DNAJC16: variants seen among roughly 807,000 people sequenced by gnomAD.
The protein encoded by DNAJC16 is DnaJ heat shock protein family (Hsp40) member C16, also known as dnaJ homolog subfamily C member 16.
DNAJC16 carries 76 observed loss-of-function variants against 92.7 expected under a neutral mutation model. That is an observed-to-expected ratio of 0.82 (90% CI 0.68 to 0.99). The LOEUF is 0.99. Among genes scored for constraint, DNAJC16 ranks in the 50% least tolerant of loss-of-function variants. DNAJC16 has a pLI of 0.00. For missense variants in DNAJC16, 869 were observed against 942.4 expected (o/e 0.92, Z 1.02); for synonymous variants, 328 against 358.7 (o/e 0.91, Z 0.97).
chr1:15,536,442 T>C (rs1186760437), intron 3 of DNAJC16, 33 bp from the exon 4 acceptor site: 8 of 1,516,122 alleles, frequency 5.3e-6, no homozygotes, highest in Non-Finnish European at 7.1e-6. Flanking sequence ...ATGAACCTTT[T>C]GTTGTTGTTT....
intron 12 of DNAJC16, 26 bp downstream of exon 12, chr1:15,566,025 C>T: frequency 1.9e-6 from 3 of 1,613,124 alleles, no homozygotes; most frequent in East Asian, 2.2e-5. Context: ...CTTCTCGGTG[C>T]ACCACCATGG....
chr1:15,557,387 C>CT (rs1420014585), intron 7 of DNAJC16, among the ~76,000 whole-genome samples: 2 of 152,042 alleles, frequency 1.3e-5, no homozygotes, highest in Non-Finnish European at 1.5e-5. Flanking sequence ...TATTTTATGC[C>CT]TTCTCTTTTG....
At chr1:15,552,605 G>T (rs193098937) in intron 7 of DNAJC16, among the ~76,000 whole-genome samples, 2 of 151,936 alleles carry the variant, frequency 1.3e-5, no homozygotes, top group East Asian at 3.9e-4. Context: ...CATTATAAGT[G>T]CAAGGAACAC....
chr1:15,558,267 T>G (rs555523166), intron 7 of DNAJC16, among the ~76,000 whole-genome samples: 8 of 150,564 alleles, frequency 5.3e-5, no homozygotes, highest in African/African-American at 2.0e-4. Flanking sequence ...TGCAGTCTCT[T>G]AAGTCTTGGG....
Position 15,571,008 on chromosome 1 carries a change from A to G in DNAJC16, c.*2831A>G, listed in dbSNP as rs1035869287. ...ACAAGTCTTTGCAGAATACATGCCA[A>G]TTTCCAAAAAAAAAAAAAAATTTGT... On this transcript the variant is annotated 3_prime_UTR_variant, in exon 15 of 15. Coordinates refer to ENST00000375847, the MANE Select transcript of DNAJC16 (RefSeq NM_015291.4). 9 of 137,660 alleles carry G rather than the reference A, an allele frequency of 6.5e-5. No homozygotes were observed. The highest frequency in any genetic ancestry group is 2.2e-4 in the Admixed American group (3 of 13,508). 8.5% of individuals were successfully genotyped at this position (137,660 alleles called of 1,614,324 possible). A position where few individuals can be genotyped will look rare whatever the true frequency, so the allele number is the denominator to read the frequency against.
Position 15,569,821 on chromosome 1 carries a change from A to T in DNAJC16, c.*1644A>T, listed in dbSNP as rs1638910346. On this transcript the variant is annotated 3_prime_UTR_variant, in exon 15 of 15. Transcript: ENST00000375847. The stretch of plus-strand genomic sequence containing the variant: ...ATGTAATTAGCCCGGCTAATTTTGT[A>T]TTTTTAGTAGAGACGGGATTTCTCC... The T allele has an allele frequency of 6.6e-6, 1 of 151,752 alleles. No homozygotes were observed. The highest frequency in any genetic ancestry group is 1.5e-5 in the Non-Finnish European group (1 of 67,946). The allele number at this position is 151,752 out of a possible 1,614,324, so 9.4% of individuals were successfully genotyped here. A position where few individuals can be genotyped will look rare whatever the true frequency, so the allele number is the denominator to read the frequency against.
intron 5 of DNAJC16, among the ~76,000 whole-genome samples, chr1:15,545,834 A>G (rs1638287741): frequency 6.6e-6 from 1 of 152,244 alleles, no homozygotes; most frequent in Non-Finnish European, 1.5e-5. Context: ...ATGGAAAGAT[A>G]AACTTTTTTT....
At chr1:15,533,644 CAAAA>C (rs958383487) in intron 2 of DNAJC16, among the ~76,000 whole-genome samples, 6 of 150,888 alleles carry the variant, frequency 4.0e-5, no homozygotes, top group Admixed American at 2.6e-4. Context: ...AACAAAAAAA[CAAAA>C]AAAACAGTGG....
rs1570893736 is a variant in DNAJC16 at position 15,528,325 on chromosome 1, T to G, written c.-18-763T>G. Among the ~76,000 whole-genome samples, 3 of 151,902 alleles carry G rather than the reference T, an allele frequency of 2.0e-5. No individual in the cohort carries two copies. The East Asian group carries it at 5.8e-4, about 29-fold the overall frequency. On this transcript the variant is annotated intron_variant, in intron 1 of 14. Transcript: ENST00000375847. Reference sequence around the variant, plus strand: ...GGCGCATGCCTGTAATCCCAGCTACTGGGGAGGCTGAGACAGGAGACTTGC... The same window carrying G: ...GGCGCATGCCTGTAATCCCAGCTACGGGGGAGGCTGAGACAGGAGACTTGC...
At chr1:15,527,198 G>C (rs1260024326) in intron 1 of DNAJC16, among the ~76,000 whole-genome samples, 1 of 152,188 alleles carries the variant, frequency 6.6e-6, no homozygotes, top group African/African-American at 2.4e-5. Flanking sequence ...GTCTCTGGGA[G>C]CTTCTTCCTG....
At chr1:15,539,391 A>G (rs565009006) in intron 4 of DNAJC16, among the ~76,000 whole-genome samples, 34 of 151,566 alleles carry the variant, frequency 2.2e-4, no homozygotes, top group African/African-American at 4.6e-4. Flanking sequence ...GACTACAGGC[A>G]CCCATCACCA....
chr1:15,529,013 C>A, intron 1 of DNAJC16, 75 bp from the exon 2 acceptor site: 1 of 1,364,556 alleles, frequency 7.3e-7, no homozygotes, highest in South Asian at 1.4e-5. Context: ...ATCTATATAT[C>A]TTATACCTTT....
rs772567514 is a variant in DNAJC16, at chr1:15,567,757, T to G, written c.1950-21T>G. ...ATGTGTCAGGAAATGCCCTGAGTCC[T>G]CAATTCTCTTCTTCCTACAGGAGCA... On this transcript the variant is annotated intron_variant, in intron 14 of 14. Coordinates refer to ENST00000375847, the MANE Select transcript of DNAJC16 (RefSeq NM_015291.4). 4 of 1,601,082 alleles carry G rather than the reference T, an allele frequency of 2.5e-6. No homozygotes were observed. The Admixed American group carries it at 6.9e-5, about 28-fold the overall frequency.
Position 15,548,280 on chromosome 1 carries a change from T to C in DNAJC16, c.875T>C (p.Phe292Ser). 1 of 1,613,894 alleles carries C rather than the reference T, an allele frequency of 6.2e-7. No homozygotes were observed. The highest frequency in any genetic ancestry group is 8.5e-7 in the Non-Finnish European group (1 of 1,179,906). Residue 292 changes from phenylalanine to serine, a missense_variant, in exon 7 of 15, where the codon TTT (phenylalanine) becomes TCT (serine). Transcript: ENST00000375847. Reference protein sequence around the residue: ...IVPLLYKLTAFAYKDYLSFGY... With the variant: ...IVPLLYKLTASAYKDYLSFGY... Reference sequence around the variant, plus strand: ...ATTATGCCCTAACAGTTGACTGCCTTTGCATACAAAGATTATTTATCATTT... The same window carrying C: ...ATTATGCCCTAACAGTTGACTGCCTCTGCATACAAAGATTATTTATCATTT...
chr1:15,569,700 G>A lies in DNAJC16; in HGVS notation c.*1523G>A, dbSNP rs1362354171. The stretch of plus-strand genomic sequence containing the variant: ...TTGTTGCCCAGGCTGGAGTGAAATG[G>A]TGCGATCTCGGTTCACCGCAACCTC... On this transcript the variant is annotated 3_prime_UTR_variant, in exon 15 of 15. Coordinates refer to ENST00000375847, the MANE Select transcript of DNAJC16 (RefSeq NM_015291.4). 6.7e-6 allele frequency: 1 copy of A among 149,742 alleles called. No individual in the cohort carries two copies. Among genetic ancestry groups the A allele is most frequent in the African/African-American group, 2.5e-5 (1 of 40,584 alleles). The allele number at this position is 149,742 out of a possible 1,614,324, so 9.3% of individuals were successfully genotyped here.
chr1:15,556,182 G>A (rs1375317727), intron 7 of DNAJC16, among the ~76,000 whole-genome samples: 1 of 139,694 alleles, frequency 7.2e-6, no homozygotes, highest in Non-Finnish European at 1.6e-5. Context: ...TCTTTTTGTT[G>A]TTTTTTCTGT....
At chr1:15,539,892 G>T (rs1710892019) in intron 4 of DNAJC16, among the ~76,000 whole-genome samples, 1 of 152,022 alleles carries the variant, frequency 6.6e-6, no homozygotes. Flanking sequence ...GCCAGGCGTG[G>T]TGGTGCGTGC....
rs150873018 is a variant in DNAJC16, at chr1:15,529,265, C to G, written c.160C>G (p.Arg54Gly). ...TAAAAAGGCTTATAAGAAGCTCGCC[C>G]GGGAATGGTAGGTGAAACAAAGAAA... ...DIKKAYKKLA[R>G]EWHPDKNKDP... is the part of the protein sequence containing the mutation. The change falls in exon 2 of 15, where the codon CGG becomes GGG. Residue 54 changes from arginine (R) to glycine (G), a missense_variant. By Grantham distance (125) the Arg-to-Gly change is moderately radical. Transcript: ENST00000375847. 3 of 1,606,322 alleles carry G rather than the reference C, an allele frequency of 1.9e-6. No individual in the cohort carries two copies. The highest frequency in any genetic ancestry group is 1.7e-6 in the Non-Finnish European group (2 of 1,174,394).
chr1:15,539,241 TTA>T (rs1333925366), intron 4 of DNAJC16, among the ~76,000 whole-genome samples: 4 of 133,814 alleles, frequency 3.0e-5, no homozygotes, highest in South Asian at 4.4e-4. Flanking sequence ...CCTTTTTATT[TTA>T]TTTTTTTTTT....
Sources: gnomAD v4.1 joint callset for allele counts (sites outside exome capture counted in the v4.1 genomes callset) on GRCh38, gnomAD v4.1.1 for gene constraint, MANE v1.5 for transcripts, NCBI Gene and HGNC (gene_info 2026-07-23, HGNC 2026-07-21) for gene names.